Variants in URB2 observed in about 807,000 individuals in gnomAD.
URB2 encodes URB2 ribosome biogenesis homolog, also known as unhealthy ribosome biogenesis protein 2 homolog.
URB2 carries 86 observed loss-of-function variants against 120.9 expected under a neutral mutation model. That is an observed-to-expected ratio of 0.71 (90% CI 0.60 to 0.85). URB2 has a LOEUF of 0.85. Among genes scored for constraint, URB2 ranks in the 40% least tolerant of loss-of-function variants. URB2 has a pLI of 0.00. For missense variants in URB2, 1,765 were observed against 1,836.5 expected, an observed-to-expected ratio of 0.96 and a Z score of 0.71; for synonymous variants, 755 against 758.4, an observed-to-expected ratio of 1.00 and a Z score of 0.07.
chr1:229,628,829 CAAGG>C (rs1665594919), intron 2 of URB2, among the ~76,000 whole-genome samples: 1 of 152,168 alleles, frequency 6.6e-6, no homozygotes, highest in African/African-American at 2.4e-5. Flanking sequence ...TTGCTGTTGT[CAAGG>C]AAGACAGCAC....
At chr1:229,633,192 A>G (rs180945582) in intron 3 of URB2, among the ~76,000 whole-genome samples, 1 of 150,878 alleles carries the variant, frequency 6.6e-6, no homozygotes, top group East Asian at 1.9e-4. Context: ...AGAGGCTAGT[A>G]ACGGAGGGGA....
In URB2 at chr1:229,643,622, G is replaced by T. The variant is rs1666065526; in HGVS notation, c.3724G>T (p.Asp1242Tyr). 6.2e-7 allele frequency: 1 copy of T among 1,614,108 alleles called. No homozygotes were observed. The highest frequency in any genetic ancestry group is 8.5e-7 in the Non-Finnish European group (1 of 1,180,060). The change falls in exon 5 of 10, where the codon GAC becomes TAC. Residue 1242 changes from aspartate to tyrosine, a missense_variant. By Grantham distance (160) the Asp-to-Tyr change is radical. Coordinates refer to ENST00000258243, the MANE Select transcript of URB2 (RefSeq NM_014777.4). ...TQMLEVGTTE[D>Y]LRLVMQCILQ... ...AATGTTAGAGGTTGGGACGACAGAG[G>T]ACTTGAGGCTGGTGATGCAGTGTAT...
intron 2 of URB2, among the ~76,000 whole-genome samples, chr1:229,628,913 T>G (rs1191459453): frequency 1.3e-5 from 2 of 152,180 alleles, no homozygotes; most frequent in African/African-American, 4.8e-5. Flanking sequence ...AGCGGTCATA[T>G]CCAGTGCTTT....
rs750871944 is a variant in URB2, at chr1:229,627,749, A to G, written c.116A>G (p.Asn39Ser). The G allele has an allele frequency of 6.2e-7, 1 of 1,609,928 alleles. No individual in the cohort carries two copies. Among genetic ancestry groups the G allele is most frequent in the Non-Finnish European group, 8.5e-7 (1 of 1,178,076 alleles). The change falls in exon 2 of 10, where the codon AAT becomes AGT. Residue 39 changes from asparagine to serine, a missense_variant. Transcript: ENST00000258243. ...AWISHQCFLP[N>S]KEQVLLDWAR... Reference sequence around the variant, plus strand: ...ATTTCTCACCAGTGCTTTCTTCCAAATAAAGAACAAGTAAGTTTAATGTGA... The same window carrying G: ...ATTTCTCACCAGTGCTTTCTTCCAAGTAAAGAACAAGTAAGTTTAATGTGA...
intron 8 of URB2, among the ~76,000 whole-genome samples, 173 bp from the exon 9 acceptor site, chr1:229,654,076 T>C (rs988787782): frequency 2.0e-5 from 3 of 151,832 alleles, no homozygotes; most frequent in Admixed American, 6.6e-5. Context: ...TGTAGATAAC[T>C]GTTTGGACAT....
intron 9 of URB2, among the ~76,000 whole-genome samples, chr1:229,654,870 C>T (rs186278608): frequency 2.6e-5 from 4 of 152,226 alleles, no homozygotes; most frequent in East Asian, 3.9e-4. Context: ...AGAAAATGCT[C>T]GATTATCTGT....
intron 4 of URB2, among the ~76,000 whole-genome samples, chr1:229,642,224 A>C (rs1331297440): frequency 6.6e-6 from 1 of 152,134 alleles, no homozygotes; most frequent in Non-Finnish European, 1.5e-5. Flanking sequence ...TGGCCCTTGA[A>C]GGGTAGCTAG....
Position 229,626,467 on chromosome 1 carries a change from G to T in URB2, c.-14+111G>T, listed in dbSNP as rs1458783488. 5 of 152,812 alleles carry T rather than the reference G, an allele frequency of 3.3e-5. 1 individual carries two copies. The highest frequency in any genetic ancestry group is 9.6e-5 in the African/African-American group (4 of 41,572). 9.5% of individuals were successfully genotyped at this position (152,812 alleles called of 1,614,324 possible). ...CCCCTACCTAAGGCCGGGCCCAGAT[G>T]GGGGGCCCCCCAACCCTGCCCAGTT... is the stretch of plus-strand genomic sequence containing the variant. On this transcript the variant is annotated intron_variant, in intron 1 of 9. Transcript: ENST00000258243.
At chr1:229,628,180 TAA>T (rs1491514441) in intron 2 of URB2, among the ~76,000 whole-genome samples, 1 of 96,500 alleles carries the variant, frequency 1.0e-5, no homozygotes, top group African/African-American at 4.1e-5. Flanking sequence ...TATATGTATA[TAA>T]TATATATAAT....
intron 4 of URB2, among the ~76,000 whole-genome samples, chr1:229,639,723 TAGGGTGCTGCCAGGTGC>T (rs1377010696): frequency 6.6e-6 from 1 of 152,118 alleles, no homozygotes; most frequent in African/African-American, 2.4e-5. Context: ...CCCACCATAT[TAGGGTGCTGCCAGGTGC>T]AAGTGCTCAC....
At chr1:229,633,468 G>T (rs903073144) in intron 3 of URB2, among the ~76,000 whole-genome samples, 4 of 152,184 alleles carry the variant, frequency 2.6e-5, no homozygotes, top group African/African-American at 9.7e-5. Flanking sequence ...TACACTTATT[G>T]AATATAAATG....
At chr1:229,643,465 T>C in intron 4 of URB2, 68 bp from the exon 5 acceptor site, 1 of 1,588,024 alleles carries the variant, frequency 6.3e-7, no homozygotes, top group Non-Finnish European at 8.6e-7. Flanking sequence ...CGCAGTTTCA[T>C]CCTATGGCTA....
At position 229,635,699 on chromosome 1, in the gene URB2, GCTA is replaced by G. The variant is rs2102784178; in HGVS notation, c.1090_1092del (p.Leu364del). The G allele has an allele frequency of 1.2e-6, 2 of 1,614,194 alleles. No individual in the cohort carries two copies. The highest frequency in any genetic ancestry group is 1.7e-6 in the Non-Finnish European group (2 of 1,180,040). ...CCACAGAGCTTTTGGTTGTGGAACA[GCTA>G]CTAAACTCAGTGGCCAACAACAATA... On this transcript the variant is annotated inframe_deletion, in exon 4 of 10. Coordinates refer to ENST00000258243, the MANE Select transcript of URB2 (RefSeq NM_014777.4).
chr1:229,648,077 A>C (rs555995316), intron 7 of URB2, among the ~76,000 whole-genome samples: 2 of 152,356 alleles, frequency 1.3e-5, no homozygotes, highest in South Asian at 2.1e-4. Flanking sequence ...TCATGCTACC[A>C]GTGGAAAATC....
intron 7 of URB2, among the ~76,000 whole-genome samples, chr1:229,648,347 T>A (rs1043282759): frequency 1.3e-5 from 2 of 152,204 alleles, no homozygotes; most frequent in Non-Finnish European, 2.9e-5. Context: ...GCATACACAA[T>A]CTATACTATT....
intron 3 of URB2, among the ~76,000 whole-genome samples, chr1:229,633,414 A>G (rs1337081767): frequency 6.6e-6 from 1 of 152,244 alleles, no homozygotes; most frequent in African/African-American, 2.4e-5. Context: ...ATAATTATAT[A>G]AAATGTTAGT....
rs764091387 is a variant in URB2, at chr1:229,636,052, C to T, written c.1439C>T (p.Pro480Leu). Residue 480 changes from proline to leucine, a missense_variant, in exon 4 of 10, where the codon CCA becomes CTA. Physicochemically the swap from Pro to Leu is moderately conservative, Grantham distance 98. Transcript: ENST00000258243. ...GAGGTTTTGGGGGTGATCTGTCGTC[C>T]AGCTGCTGAGGCACTGAGGCAGCCT... ...FEEVLGVICR[P>L]AAEALRQPVL... 8.1e-6 allele frequency: 13 copies of T among 1,614,038 alleles called. No individual in the cohort carries two copies. The highest frequency in any genetic ancestry group is 1.6e-4 in the Middle Eastern group (1 of 6,084).
rs143632390 is a variant in URB2 at position 229,631,254 on chromosome 1, G to C, written c.127-1015G>C. On this transcript the variant is annotated intron_variant, in intron 2 of 9. Transcript: ENST00000258243. ...TAGAATTGAAGAGAGTTAGGGCCTTGCTCTGGATTAAGCTTTGGCTTAAGG... is the reference window on the plus strand; with the variant it reads ...TAGAATTGAAGAGAGTTAGGGCCTTCCTCTGGATTAAGCTTTGGCTTAAGG... Among the ~76,000 whole-genome samples, 661 of 152,226 alleles carry C rather than the reference G, an allele frequency of 4.3e-3. 6 individuals carry two copies. The highest frequency in any genetic ancestry group is 0.041 in the South Asian group (197 of 4,816).
In URB2 at chr1:229,635,304, C is replaced by T. The variant is rs766764236; in HGVS notation, c.691C>T (p.Arg231Trp). 11 of 1,614,128 alleles carry T rather than the reference C, an allele frequency of 6.8e-6. No homozygotes were observed. Among genetic ancestry groups the T allele is most frequent in the South Asian group, 5.5e-5 (5 of 91,084 alleles). ...GQGQLRQVLS[R>W]DIRSQIEAMF... is the part of the protein sequence containing the mutation. The stretch of plus-strand genomic sequence containing the variant: ...GGGCCAGCTGAGGCAGGTGCTGAGC[C>T]GGGACATCAGGAGTCAGATTGAGGC... Residue 231 changes from arginine (R) to tryptophan (W), a missense_variant, in exon 4 of 10, where the codon CGG becomes TGG. Arg to Trp is a moderately radical substitution (Grantham distance 101, BLOSUM62 -3). Coordinates refer to ENST00000258243, the MANE Select transcript of URB2 (RefSeq NM_014777.4).
Sources: gnomAD v4.1 joint callset for allele counts (sites outside exome capture counted in the v4.1 genomes callset) on GRCh38, gnomAD v4.1.1 for gene constraint, MANE v1.5 for transcripts, NCBI Gene and HGNC (gene_info 2026-07-23, HGNC 2026-07-21) for gene names.